The following ADAMTSL1 variants were observed in gnomAD, a reference collection of about 807,000 sequenced individuals.
The protein encoded by ADAMTSL1 is ADAMTS like 1, also known as ADAMTS-like protein 1.
Under a neutral mutation model 201.8 loss-of-function variants are expected in ADAMTSL1, and 126 were observed. The ratio of observed to expected loss-of-function variants is 0.62; its 90% CI spans 0.54 to 0.72. The LOEUF (loss-of-function observed/expected upper bound fraction) is 0.72, where lower values mean the gene tolerates loss of function less well. ADAMTSL1 is among the 30% of genes least tolerant of loss of function. The pLI, the probability that ADAMTSL1 is intolerant of heterozygous loss-of-function variation, is 0.00. For synonymous variants in ADAMTSL1, 1,121 were observed against 903.4 expected (o/e 1.24, Z -4.32); for missense variants, 2,679 against 2,277.8 (o/e 1.18, Z -3.59).
chr9:18,307,074 A>G (rs567010915), intron 2 of ADAMTSL1, among the ~76,000 whole-genome samples: 19 of 152,314 alleles, frequency 1.2e-4, no homozygotes, highest in Admixed American at 3.3e-4. Flanking sequence ...TCAACCCAGA[A>G]TTTCATATCC....
intron 7 of ADAMTSL1, among the ~76,000 whole-genome samples, chr9:18,656,479 A>T (rs916500419): frequency 6.6e-6 from 1 of 151,974 alleles, no homozygotes; most frequent in Non-Finnish European, 1.5e-5. Flanking sequence ...AATACAAAAA[A>T]TTAGCCGGGC....
intron 1 of ADAMTSL1, among the ~76,000 whole-genome samples, chr9:18,105,078 T>C (rs1241795775): frequency 6.6e-6 from 1 of 151,800 alleles, no homozygotes; most frequent in Non-Finnish European, 1.5e-5. Flanking sequence ...AGAAAGAGAG[T>C]ACTGTGAGTC....
At position 18,518,281 on chromosome 9, in the gene ADAMTSL1, T is replaced by C. The variant is rs190292651; in HGVS notation, c.191+13325T>C. Among the ~76,000 whole-genome samples, 5 of 152,264 alleles carry C rather than the reference T, an allele frequency of 3.3e-5. No homozygotes were observed. In the East Asian group the frequency reaches 9.6e-4, roughly 29 times the overall value. ...GAACGTCGTACTCAATAGGCAGTTTTTCCACCCCGCCCCCCAACCCAGCCT... is the reference window on the plus strand; with the variant it reads ...GAACGTCGTACTCAATAGGCAGTTTCTCCACCCCGCCCCCCAACCCAGCCT... On this transcript the variant is annotated intron_variant, in intron 2 of 28. Transcript: ENST00000380548.
chr9:18,241,804 T>C (rs998056274), intron 2 of ADAMTSL1, among the ~76,000 whole-genome samples: 4 of 151,846 alleles, frequency 2.6e-5, no homozygotes, highest in Admixed American at 6.6e-5. Context: ...AAATACAACA[T>C]ACAAAGATAG....
At chr9:18,395,196 C>T (rs1817704705) in intron 2 of ADAMTSL1, among the ~76,000 whole-genome samples, 1 of 152,134 alleles carries the variant, frequency 6.6e-6, no homozygotes, top group Admixed American at 6.5e-5. Context: ...GGAAAAGCAA[C>T]AGTAAGATCT....
chr9:18,251,872 T>A (rs1831476907), intron 2 of ADAMTSL1, among the ~76,000 whole-genome samples: 1 of 152,042 alleles, frequency 6.6e-6, no homozygotes, highest in South Asian at 2.1e-4. Flanking sequence ...GTGGGAAAAA[T>A]TTGGTTCAAC....
At chr9:18,687,800 A>G (rs1407491948) in intron 13 of ADAMTSL1, among the ~76,000 whole-genome samples, 1 of 152,220 alleles carries the variant, frequency 6.6e-6, no homozygotes, top group Non-Finnish European at 1.5e-5. Context: ...AAGACTAAAA[A>G]CTGAATTGCC....
chr9:18,199,744 G>T (rs1363572796), intron 2 of ADAMTSL1, among the ~76,000 whole-genome samples: 1 of 152,062 alleles, frequency 6.6e-6, no homozygotes, highest in Non-Finnish European at 1.5e-5. Flanking sequence ...GATATATGCT[G>T]ATCCTCCAAG....
chr9:18,517,009 T>C (rs1476607028), intron 2 of ADAMTSL1, among the ~76,000 whole-genome samples: 1 of 152,226 alleles, frequency 6.6e-6, no homozygotes, highest in Non-Finnish European at 1.5e-5. Context: ...AGCTCAAGGC[T>C]TGTATCAGGA....
intron 2 of ADAMTSL1, among the ~76,000 whole-genome samples, chr9:18,359,838 C>CA (rs1836436598): frequency 7.8e-6 from 1 of 127,670 alleles, no homozygotes; most frequent in African/African-American, 2.9e-5. Context: ...CCCCCCCGCC[C>CA]ACACAAAATG....
At chr9:17,989,094 A>G (rs1819043123) in intron 1 of ADAMTSL1, among the ~76,000 whole-genome samples, 1 of 151,952 alleles carries the variant, frequency 6.6e-6, no homozygotes, top group Admixed American at 6.6e-5. Flanking sequence ...TATAGAGGAA[A>G]CTACTTTAAT....
intron 13 of ADAMTSL1, among the ~76,000 whole-genome samples, chr9:18,700,295 G>T (rs1408919261): frequency 1.3e-5 from 2 of 152,012 alleles, no homozygotes; most frequent in Non-Finnish European, 2.9e-5. Context: ...ACTTATTTTA[G>T]AGGGTTTATT....
intron 1 of ADAMTSL1, among the ~76,000 whole-genome samples, chr9:18,062,596 A>T (rs1822508437): frequency 6.6e-6 from 1 of 152,184 alleles, no homozygotes; most frequent in East Asian, 1.9e-4. Context: ...AAATAAGAGG[A>T]ATAAGAAATC....
intron 23 of ADAMTSL1, among the ~76,000 whole-genome samples, chr9:18,867,495 C>G (rs548346255): frequency 6.6e-6 from 1 of 152,194 alleles, no homozygotes; most frequent in African/African-American, 2.4e-5. Context: ...CAAAATAAAC[C>G]TGATGGTATA....
chr9:18,166,023 C>T (rs1827612335), intron 2 of ADAMTSL1, among the ~76,000 whole-genome samples: 1 of 151,898 alleles, frequency 6.6e-6, no homozygotes, highest in Non-Finnish European at 1.5e-5. Context: ...AAGAAACCTT[C>T]CTGGTATAGG....
intron 23 of ADAMTSL1, among the ~76,000 whole-genome samples, chr9:18,876,746 T>C (rs572556280): frequency 6.6e-6 from 1 of 152,316 alleles, no homozygotes; most frequent in African/African-American, 2.4e-5. Context: ...ATGATCTTTT[T>C]GCAATTAATT....
chr9:18,568,461 T>A (rs919393510), intron 3 of ADAMTSL1, among the ~76,000 whole-genome samples: 21 of 152,186 alleles, frequency 1.4e-4, no homozygotes, highest in African/African-American at 4.8e-4. Context: ...TGTCAGTAAA[T>A]TGAGGATTCC....
intron 2 of ADAMTSL1, among the ~76,000 whole-genome samples, chr9:18,406,450 T>C (rs1353741460): frequency 6.6e-6 from 1 of 152,016 alleles, no homozygotes; most frequent in Non-Finnish European, 1.5e-5. Flanking sequence ...TGCCTCAGCC[T>C]CCCACGTAGC....
At chr9:18,635,603 A>C (rs745799833) in intron 5 of ADAMTSL1, among the ~76,000 whole-genome samples, 1 of 152,158 alleles carries the variant, frequency 6.6e-6, no homozygotes, top group Non-Finnish European at 1.5e-5. Flanking sequence ...AAACATTATA[A>C]TGTATTTTTA....
Sources: gnomAD v4.1 joint callset for allele counts (sites outside exome capture counted in the v4.1 genomes callset) on GRCh38, gnomAD v4.1.1 for gene constraint, MANE v1.5 for transcripts, NCBI Gene and HGNC (gene_info 2026-07-23, HGNC 2026-07-21) for gene names.